Variants in E2F5 observed in about 807,000 individuals in gnomAD.
E2F5 encodes E2F transcription factor 5.
In E2F5, 23 loss-of-function variants were observed where a neutral mutation model predicts 39.1. That is an observed-to-expected ratio of 0.59 (90% confidence interval 0.42 to 0.83). The LOEUF is 0.83. Among genes scored for constraint, E2F5 ranks in the 40% least tolerant of loss-of-function variants. The pLI is 0.00. For synonymous variants in E2F5, 145 were observed against 157.8 expected, an observed-to-expected ratio of 0.92 and a Z score of 0.61; for missense variants, 365 against 406.7, an observed-to-expected ratio of 0.90 and a Z score of 0.88.
chr8:85,186,790 A>G (rs1040100457), intron 1 of E2F5, among the ~76,000 whole-genome samples: 7 of 147,928 alleles, frequency 4.7e-5, no homozygotes, highest in African/African-American at 7.4e-5. Flanking sequence ...TATAAGGTGT[A>G]TATATATGAT....
rs751431519 is a variant in E2F5 at position 85,209,240 on chromosome 8, C to CGTG, written c.717_719dup (p.Val240dup). On this transcript the variant is annotated inframe_insertion, in exon 6 of 8. Transcript: ENST00000416274. ...ATAAAGAGTCGAGTTCATCTAAGCCCGTGGTTTTTCCTGTTCCCCCACCTG... is the reference window on the plus strand; with the variant it reads ...ATAAAGAGTCGAGTTCATCTAAGCCCGTGGTGGTTTTTCCTGTTCCCCCACCTG... 1 of 1,613,968 alleles carries CGTG rather than the reference C, an allele frequency of 6.2e-7. No homozygotes were observed. The highest frequency in any genetic ancestry group is 8.5e-7 in the Non-Finnish European group (1 of 1,179,886).
At chr8:85,186,431 A>G (rs571588183) in intron 1 of E2F5, among the ~76,000 whole-genome samples, 120 of 151,962 alleles carry the variant, frequency 7.9e-4, no homozygotes, top group Non-Finnish European at 1.5e-3. Context: ...GTTGCAGCAA[A>G]CCACCATGGC....
At chr8:85,181,391 C>T (rs1268233043) in intron 1 of E2F5, among the ~76,000 whole-genome samples, 2 of 151,564 alleles carry the variant, frequency 1.3e-5, no homozygotes, top group South Asian at 2.1e-4. Context: ...AGTGCAGTGT[C>T]GCGATCTCCA....
intron 6 of E2F5, 64 bp from the exon 7 acceptor site, chr8:85,212,093 T>A: frequency 1.6e-6 from 2 of 1,267,842 alleles, no homozygotes; most frequent in South Asian, 2.5e-5. Context: ...TGACTACTTG[T>A]GTTTAAATAT....
intron 1 of E2F5, chr8:85,187,699 T>C (rs997735231): frequency 6.6e-6 from 1 of 152,190 alleles, no homozygotes; most frequent in Non-Finnish European, 1.5e-5. Context: ...AAGCCTCTTA[T>C]AGGCAGCATA....
At chr8:85,190,657 C>T (rs2129666660) in intron 1 of E2F5, among the ~76,000 whole-genome samples, 1 of 151,964 alleles carries the variant, frequency 6.6e-6, no homozygotes, top group East Asian at 1.9e-4. Context: ...ATGCCCACCA[C>T]CATGCCCAGG....
chr8:85,190,367 G>T (rs765857370), intron 1 of E2F5, among the ~76,000 whole-genome samples: 17 of 151,848 alleles, frequency 1.1e-4, no homozygotes, highest in Non-Finnish European at 2.5e-4. Context: ...GTTTTTGTAG[G>T]CAGAACAGTG....
Position 85,202,243 on chromosome 8 carries a change from A to T in E2F5, c.331A>T (p.Ser111Cys), listed in dbSNP as rs976036577. The part of the protein sequence containing the change: ...IDLIEKKSKN[S>C]IQWKGVGAGC... ...CTTGATTGAAAAAAAGTCAAAAAAC[A>T]GTATCCAGTGGAAGTAAGTTACAAA... The change falls in exon 2 of 8, where the codon AGT becomes TGT. Residue 111 changes from serine to cysteine, a missense_variant. Coordinates refer to ENST00000416274, the MANE Select transcript of E2F5 (RefSeq NM_001951.4). 6.2e-7 allele frequency: 1 copy of T among 1,609,098 alleles called. No individual in the cohort carries two copies. The highest frequency in any genetic ancestry group is 8.5e-7 in the Non-Finnish European group (1 of 1,177,756).
At chr8:85,206,058 T>C (rs1812796627) in intron 3 of E2F5, 119 bp from the exon 4 acceptor site, 2 of 892,624 alleles carry the variant, frequency 2.2e-6, no homozygotes, top group African/African-American at 1.7e-5. Flanking sequence ...TGTCTGTCCA[T>C]GTGTGGCAGT....
chr8:85,213,574 T>C (rs1813004848), intron 7 of E2F5, 179 bp from the exon 8 acceptor site: 2 of 239,948 alleles, frequency 8.3e-6, no homozygotes, highest in Admixed American at 6.0e-5. Flanking sequence ...AAAAATTAAC[T>C]TCTGTTTCTC....
At chr8:85,179,270 G>C (rs888942790) in intron 1 of E2F5, among the ~76,000 whole-genome samples, 4 of 152,160 alleles carry the variant, frequency 2.6e-5, no homozygotes, top group Non-Finnish European at 5.9e-5. Flanking sequence ...GGGTTTTCCA[G>C]GTAAAACTGA....
chr8:85,181,668 A>G (rs531169015), intron 1 of E2F5, among the ~76,000 whole-genome samples: 3 of 146,892 alleles, frequency 2.0e-5, no homozygotes, highest in African/African-American at 7.4e-5. Flanking sequence ...ACTAATTGAA[A>G]ACATGGCTCG....
intron 1 of E2F5, chr8:85,187,759 G>A (rs904467068): frequency 3.9e-5 from 6 of 152,148 alleles, no homozygotes; most frequent in Non-Finnish European, 8.8e-5. Flanking sequence ...TTTTATTGGA[G>A]AACTTAATCC....
chr8:85,210,654 C>T (rs967443966), intron 6 of E2F5, among the ~76,000 whole-genome samples: 8 of 148,470 alleles, frequency 5.4e-5, no homozygotes, highest in South Asian at 2.1e-4. Context: ...CCAGTCTGGG[C>T]GACAGAGTAA....
chr8:85,178,695 TGA>T (rs1351104744), intron 1 of E2F5, among the ~76,000 whole-genome samples: 1 of 152,212 alleles, frequency 6.6e-6, no homozygotes. Flanking sequence ...TTACCTGGCT[TGA>T]GAGTGTCACT....
At chr8:85,201,246 T>C (rs1006251401) in intron 1 of E2F5, among the ~76,000 whole-genome samples, 1 of 152,216 alleles carries the variant, frequency 6.6e-6, no homozygotes, top group African/African-American at 2.4e-5. Flanking sequence ...TTAGCAATTA[T>C]GTGAAGCTAA....
chr8:85,200,745 CAA>C (rs1812678737), intron 1 of E2F5, among the ~76,000 whole-genome samples: 1 of 152,108 alleles, frequency 6.6e-6, no homozygotes, highest in African/African-American at 2.4e-5. Flanking sequence ...GCCTCGAAGT[CAA>C]GAGTAAAAAT....
At chr8:85,211,923 A>G (rs1812933446) in intron 6 of E2F5, among the ~76,000 whole-genome samples, 1 of 152,048 alleles carries the variant, frequency 6.6e-6, no homozygotes, top group South Asian at 2.1e-4. Flanking sequence ...AATTATAAGC[A>G]TGAGCCACCA....
Position 85,209,076 on chromosome 8 carries a change from G to T in E2F5, c.616-66G>T, listed in dbSNP as rs3808538. 0.73 allele frequency: 1,098,184 copies of T among 1,510,198 alleles called. 404,521 individuals are homozygous for T. Among genetic ancestry groups the T allele is most frequent in the African/African-American group, 0.88 (63,140 of 72,044 alleles). The allele number at this position is 1,510,198 out of a possible 1,614,324, so 93.5% of individuals were successfully genotyped here. ...CCCTAATAGCTTTGCCTGTCTTATT[G>T]TACTGTCTTAAGTTAGCTAGAAATG... On this transcript the variant is annotated intron_variant, in intron 5 of 7. Coordinates refer to ENST00000416274, the MANE Select transcript of E2F5 (RefSeq NM_001951.4).
Sources: allele counts gnomAD v4.1 joint callset (sites outside exome capture counted in the v4.1 genomes callset), GRCh38; gene constraint gnomAD v4.1.1; transcripts MANE v1.5; gene names NCBI Gene and HGNC (gene_info 2026-07-23, HGNC 2026-07-21).